THOC5: variants seen among roughly 807,000 people sequenced by gnomAD.
THOC5 encodes the protein THO complex subunit 5.
THOC5 carries 43 observed loss-of-function variants against 92.9 expected under a neutral mutation model. The observed-to-expected ratio is 0.46, with a 90% confidence interval of 0.36 to 0.60. The LOEUF is 0.60. Ranked by LOEUF, THOC5 falls within the 20% of genes least tolerant of loss-of-function variation. The pLI, the probability that THOC5 is intolerant of heterozygous loss-of-function variation, is 0.00. For missense variants in THOC5, 659 were observed against 849.4 expected, an observed-to-expected ratio of 0.78 and a Z score of 2.79; for synonymous variants, 296 against 320.1, an observed-to-expected ratio of 0.92 and a Z score of 0.80.
intron 5 of THOC5, among the ~76,000 whole-genome samples, chr22:29,539,868 A>C (rs182791982): frequency 6.6e-6 from 1 of 152,230 alleles, no homozygotes; most frequent in Non-Finnish European, 1.5e-5. Flanking sequence ...GTCTGCACTT[A>C]AGTTCAAGAC....
Position 29,536,675 on chromosome 22 carries a change from C to G in THOC5, c.663G>C (p.Val221=), listed in dbSNP as rs764404377. The G allele has an allele frequency of 6.2e-7, 1 of 1,613,846 alleles. No homozygotes were observed. Among genetic ancestry groups the G allele is most frequent in the African/African-American group, 1.3e-5 (1 of 74,928 alleles). ...NKEKILKEIE[V]KKEYLSSLQP... The stretch of plus-strand genomic sequence containing the variant: ...GGAGGCTGCTCAGGTACTCCTTCTT[C>G]ACCTCAATCTCCTTGAGAATCTTCT... Residue 221 remains valine, a synonymous_variant, in exon 7 of 20, where the codon GTG becomes GTC. Transcript: ENST00000490103.
Position 29,545,717 on chromosome 22 carries a change from C to A in THOC5, c.97-1114G>T, listed in dbSNP as rs546950197. ...TGGCTTCCCATGGTCTTGGGCAGCT[C>A]CACCCCTGTGGCTTTGCAGGGTACA... On this transcript the variant is annotated intron_variant, in intron 2 of 19. Coordinates refer to ENST00000490103, the MANE Select transcript of THOC5 (RefSeq NM_003678.5). 2.6e-5 allele frequency among the ~76,000 whole-genome samples: 4 copies of A among 152,322 alleles called. No homozygotes were observed. The East Asian group carries it at 7.7e-4, about 29-fold the overall frequency.
chr22:29,542,915 G>C lies in THOC5; in HGVS notation c.396C>G (p.Asn132Lys). 6.2e-7 allele frequency: 1 copy of C among 1,613,436 alleles called. No homozygotes were observed. Among genetic ancestry groups the C allele is most frequent in the Non-Finnish European group, 8.5e-7 (1 of 1,179,690 alleles). Residue 132 changes from asparagine (N) to lysine (K), a missense_variant, in exon 5 of 20, where the codon AAC (asparagine) becomes AAG (lysine). By Grantham distance (94) the Asn-to-Lys change is moderately conservative (BLOSUM62 0). Coordinates refer to ENST00000490103, the MANE Select transcript of THOC5 (RefSeq NM_003678.5). ...KVDAYHLQLQ[N>K]LLYEVMHLQK... ...GTAGGTGCATCACCTCATACAACAG[G>C]TTCTGGAGCTGCAGATGATAGGCAT...
Position 29,521,097 on chromosome 22 carries a change from T to A in THOC5, c.1178A>T (p.Asp393Val), listed in dbSNP as rs753186190. The A allele has an allele frequency of 1.9e-6, 3 of 1,612,378 alleles. No individual in the cohort carries two copies. The East Asian group carries it at 6.7e-5, about 36-fold the overall frequency. Residue 393 changes from aspartate (D) to valine (V), a missense_variant and splice_region_variant, in exon 13 of 20, where the codon GAC (aspartate) becomes GTC (valine). Transcript: ENST00000490103. ...CAGGACTGAGTCAGGAGACAGCAAG[T>A]CACTAGAAAAGGAAAAACAGTAAGC... Reference protein sequence around the residue: ...MELITPISAGDLLSPDSVLSC... With the variant: ...MELITPISAGVLLSPDSVLSC...
chr22:29,552,209 C>T (rs569949066), intron 1 of THOC5, among the ~76,000 whole-genome samples: 1 of 152,230 alleles, frequency 6.6e-6, no homozygotes, highest in South Asian at 2.1e-4. Context: ...GCCGCCACCC[C>T]GTCTGGGAAG....
intron 19 of THOC5, among the ~76,000 whole-genome samples, chr22:29,508,953 G>A (rs1381999863): frequency 3.3e-5 from 5 of 151,752 alleles, no homozygotes; most frequent in South Asian, 2.1e-4. Flanking sequence ...GCACCACCAC[G>A]CCCGGGTTTA....
intron 2 of THOC5, among the ~76,000 whole-genome samples, chr22:29,548,077 G>T (rs910143030): frequency 6.6e-6 from 1 of 152,150 alleles, no homozygotes; most frequent in Non-Finnish European, 1.5e-5. Flanking sequence ...ACTATAATAA[G>T]AACAGCATGG....
At chr22:29,538,752 G>T (rs2063811870) in intron 6 of THOC5, among the ~76,000 whole-genome samples, 1 of 134,786 alleles carries the variant, frequency 7.4e-6, no homozygotes, top group African/African-American at 2.8e-5. Context: ...AGTCGTGATA[G>T]TGCCACAGCA....
In THOC5 at chr22:29,506,254, C is replaced by G. The variant is rs187232990; in HGVS notation, c.*2203G>C. On this transcript the variant is annotated 3_prime_UTR_variant, in exon 20 of 20. Coordinates refer to ENST00000490103, the MANE Select transcript of THOC5 (RefSeq NM_003678.5). Reference sequence around the variant, plus strand: ...CAAGAATAGTCTATGCCATCCTTTACTTTGACTTGCAGGAGTATTACAAAG... The same window carrying G: ...CAAGAATAGTCTATGCCATCCTTTAGTTTGACTTGCAGGAGTATTACAAAG... The G allele has an allele frequency of 6.0e-4, 91 of 152,280 alleles. No individual in the cohort carries two copies. Among genetic ancestry groups the G allele is most frequent in the African/African-American group, 2.0e-3 (83 of 41,556 alleles). The allele number at this position is 152,280 out of a possible 1,614,324, so 9.4% of individuals were successfully genotyped here.
At chr22:29,530,660 C>T (rs1206896712) in intron 8 of THOC5, among the ~76,000 whole-genome samples, 1 of 152,158 alleles carries the variant, frequency 6.6e-6, no homozygotes, top group Non-Finnish European at 1.5e-5. Flanking sequence ...AAGACCAGGT[C>T]TGTTCAACTT....
intron 5 of THOC5, among the ~76,000 whole-genome samples, 171 bp downstream of exon 5, chr22:29,542,688 C>T (rs2240637): frequency 0.2 from 30,075 of 151,656 alleles, 3,270 homozygotes; most frequent in East Asian, 0.43. Flanking sequence ...TGCTTGAACC[C>T]GGGAGGTGGA....
Position 29,544,564 on chromosome 22 carries a change from G to T in THOC5, c.136C>A (p.Arg46=), listed in dbSNP as rs372607483. ...YYSEEAEVDL[R]DPGRDYELYK... is the part of the protein sequence containing the mutation. ...AACTCATAGTCTCTGCCAGGGTCCC[G>T]CAGATCCACCTCGGCCTCCTCACTG... The change falls in exon 3 of 20, where the codon CGG becomes AGG. Residue 46 remains arginine (R), a synonymous_variant. Coordinates refer to ENST00000490103, the MANE Select transcript of THOC5 (RefSeq NM_003678.5). 1 of 1,613,476 alleles carries T rather than the reference G, an allele frequency of 6.2e-7. No individual in the cohort carries two copies. Among genetic ancestry groups the T allele is most frequent in the African/African-American group, 1.3e-5 (1 of 75,006 alleles).
intron 14 of THOC5, among the ~76,000 whole-genome samples, chr22:29,519,764 C>G (rs2063403146): frequency 1.3e-5 from 2 of 151,908 alleles, no homozygotes; most frequent in Admixed American, 6.6e-5. Context: ...TCCTGAATAG[C>G]TGGGATTATA....
chr22:29,534,358 A>G (rs935656308), intron 7 of THOC5, among the ~76,000 whole-genome samples: 1 of 152,202 alleles, frequency 6.6e-6, no homozygotes, highest in African/African-American at 2.4e-5. Context: ...GGTGCTGGTT[A>G]TACAGATGTG....
intron 3 of THOC5, among the ~76,000 whole-genome samples, 184 bp downstream of exon 3, chr22:29,544,276 A>G (rs1413903493): frequency 1.3e-5 from 2 of 152,190 alleles, no homozygotes; most frequent in African/African-American, 4.8e-5. Context: ...TCATTCCTGT[A>G]ATTGGTGACT....
At position 29,522,194 on chromosome 22, in the gene THOC5, C is replaced by CAA. The variant is rs34045670; in HGVS notation, c.1176-1097_1176-1096dup. On this transcript the variant is annotated intron_variant, in intron 12 of 19. Transcript: ENST00000490103. ...TGAAACCCCGTCTCTGCTAAAAATA[C>CAA]AAAAAAAAAAAAAAAATTAGCTGGG... is the stretch of plus-strand genomic sequence containing the variant. 6.5e-3 allele frequency among the ~76,000 whole-genome samples: 901 copies of CAA among 137,608 alleles called. 17 individuals carry two copies. Among genetic ancestry groups the CAA allele is most frequent in the East Asian group, 0.031 (147 of 4,810 alleles). The allele number at this position is 137,608 out of a possible 152,430, so 90.3% of individuals were successfully genotyped here.
chr22:29,543,029 GAGA>G (rs2063931917), intron 4 of THOC5, 73 bp from the exon 5 acceptor site: 2 of 1,094,788 alleles, frequency 1.8e-6, no homozygotes, highest in Admixed American at 4.0e-5. Context: ...AGCAAACTAA[GAGA>G]AGGTGTAAAG....
intron 1 of THOC5, among the ~76,000 whole-genome samples, chr22:29,552,072 C>A (rs2064163922): frequency 6.6e-6 from 1 of 152,208 alleles, no homozygotes; most frequent in Non-Finnish European, 1.5e-5. Flanking sequence ...CAGACGGAGT[C>A]TCGTTCACTC....
intron 14 of THOC5, 40 bp from the exon 15 acceptor site, chr22:29,519,160 A>T (rs2063389924): frequency 1.4e-6 from 2 of 1,388,026 alleles, no homozygotes; most frequent in Non-Finnish European, 2.0e-6. Context: ...GTGCTCCCCC[A>T]TCCCTTCCTC....
Sources: allele counts gnomAD v4.1 joint callset (sites outside exome capture counted in the v4.1 genomes callset), GRCh38; gene constraint gnomAD v4.1.1; transcripts MANE v1.5; gene names NCBI Gene and HGNC (gene_info 2026-07-23, HGNC 2026-07-21).